NRIP1: variants seen among roughly 807,000 people sequenced by gnomAD.
NRIP1 encodes nuclear receptor interacting protein 1, also known as nuclear receptor-interacting protein 1.
NRIP1 carries 28 observed loss-of-function variants against 75.0 expected under a neutral mutation model. The observed-to-expected ratio is 0.37, with a 90% CI of 0.28 to 0.51. The LOEUF is 0.51. Ranked by LOEUF, NRIP1 falls within the 20% of genes least tolerant of loss-of-function variation. The pLI, the probability that NRIP1 is intolerant of heterozygous loss-of-function variation, is 0.92. For missense variants in NRIP1, 1,435 were observed against 1,343.7 expected (o/e 1.07, Z -1.06); for synonymous variants, 526 against 487.6 (o/e 1.08, Z -1.04).
At chr21:15,017,980 ATAAAC>A (rs1338571973) in intron 2 of NRIP1, among the ~76,000 whole-genome samples, 1 of 152,256 alleles carries the variant, frequency 6.6e-6, no homozygotes, top group Non-Finnish European at 1.5e-5. Flanking sequence ...ATAACACAAA[ATAAAC>A]TACTCTAACA....
At chr21:15,029,825 CAAAT>C (rs10549533) in intron 2 of NRIP1, among the ~76,000 whole-genome samples, 100,928 of 150,706 alleles carry the variant, frequency 0.67, 34,416 homozygotes, top group East Asian at 0.9. Flanking sequence ...TAAAGGAAAA[CAAAT>C]AAATAAATAA....
chr21:14,964,529 T>C lies in NRIP1; in HGVS notation c.*187A>G. ...ACCAATTGCTAGTTCAGTAGTTTCC[T>C]CATGACATCTAATGTTAAGCAAAAA... On this transcript the variant is annotated 3_prime_UTR_variant, in exon 4 of 4. Transcript: ENST00000318948. The C allele has an allele frequency of 2.1e-6, 1 of 483,648 alleles. No homozygotes were observed. The highest frequency in any genetic ancestry group is 3.6e-6 in the Non-Finnish European group (1 of 279,186). The allele number at this position is 483,648 out of a possible 1,614,324, so 30.0% of individuals were successfully genotyped here.
intron 3 of NRIP1, among the ~76,000 whole-genome samples, chr21:15,004,508 C>G (rs1452124108): frequency 6.6e-6 from 1 of 152,246 alleles, no homozygotes; most frequent in African/African-American, 2.4e-5. Context: ...AAAGCCAATG[C>G]ACTTGGACTT....
chr21:15,045,459 C>A (rs1440406211), intron 1 of NRIP1, among the ~76,000 whole-genome samples: 1 of 152,150 alleles, frequency 6.6e-6, no homozygotes, highest in African/African-American at 2.4e-5. Context: ...ATGTACATAC[C>A]TTAGTATAAA....
chr21:15,033,140 G>C lies in NRIP1; in HGVS notation c.-458+10355C>G, dbSNP rs190468892. ...CTCTGGAGGCTGAGGCAGGAGAATGGCGTGAACCTGGGAGGCAGAGCTTGC... is the reference window on the plus strand; with the variant it reads ...CTCTGGAGGCTGAGGCAGGAGAATGCCGTGAACCTGGGAGGCAGAGCTTGC... On this transcript the variant is annotated intron_variant, in intron 2 of 3. Transcript: ENST00000318948. Among the ~76,000 whole-genome samples, 991 of 151,438 alleles carry C rather than the reference G, an allele frequency of 6.5e-3. 6 individuals are homozygous for C. The highest frequency in any genetic ancestry group is 0.022 in the African/African-American group (925 of 41,170).
At chr21:15,059,017 G>A (rs982060790) in intron 1 of NRIP1, among the ~76,000 whole-genome samples, 1 of 152,178 alleles carries the variant, frequency 6.6e-6, no homozygotes, top group Non-Finnish European at 1.5e-5. Context: ...TTACAGGCCT[G>A]AAAACAAGGA....
intron 3 of NRIP1, among the ~76,000 whole-genome samples, chr21:14,972,025 A>C (rs1401939337): frequency 3.9e-5 from 6 of 152,198 alleles, no homozygotes. Context: ...AAATGAGATA[A>C]ATCTGTAAAT....
intron 1 of NRIP1, among the ~76,000 whole-genome samples, chr21:15,063,452 G>A (rs1978511179): frequency 6.6e-6 from 1 of 152,158 alleles, no homozygotes; most frequent in South Asian, 2.1e-4. Flanking sequence ...ATTAAACACT[G>A]AATAATGCCA....
At chr21:14,968,673 T>TA (rs2086826940) in intron 3 of NRIP1, 147 bp from the exon 4 acceptor site, 1 of 152,706 alleles carries the variant, frequency 6.5e-6, no homozygotes, top group African/African-American at 2.4e-5. Flanking sequence ...GTCACTTTAG[T>TA]AATTTGTTTT....
rs1256141576 is a variant in NRIP1 at position 14,963,341 on chromosome 21, T to A, written c.*1375A>T. ...TTTGGTAAGTGGCCCTGTTTTTCCA[T>A]CCCTAAGGCTAACTAAGTAGATGTT... On this transcript the variant is annotated 3_prime_UTR_variant, in exon 4 of 4. Coordinates refer to ENST00000318948, the MANE Select transcript of NRIP1 (RefSeq NM_003489.4). 1 of 152,466 alleles carries A rather than the reference T, an allele frequency of 6.6e-6. No homozygotes were observed. The highest frequency in any genetic ancestry group is 1.5e-5 in the Non-Finnish European group (1 of 67,960). The allele number at this position is 152,466 out of a possible 1,614,324, so 9.4% of individuals were successfully genotyped here.
At chr21:14,984,952 C>T (rs2087353504) in intron 3 of NRIP1, among the ~76,000 whole-genome samples, 1 of 152,124 alleles carries the variant, frequency 6.6e-6, no homozygotes, top group Non-Finnish European at 1.5e-5. Context: ...GCACACTTAA[C>T]AGACTACAGT....
In NRIP1 at chr21:14,965,210, T is replaced by A; in HGVS notation, c.2983A>T (p.Met995Leu). The A allele has an allele frequency of 6.2e-7, 1 of 1,613,938 alleles. No individual in the cohort carries two copies. The highest frequency in any genetic ancestry group is 8.5e-7 in the Non-Finnish European group (1 of 1,179,944). Residue 995 changes from methionine to leucine, a missense_variant, in exon 4 of 4, where the codon ATG becomes TTG. Coordinates refer to ENST00000318948, the MANE Select transcript of NRIP1 (RefSeq NM_003489.4). ...MYSSTQPSSC[M>L]DNRTFSYPGV... ...GGGTATGAAAATGTCCTGTTATCCA[T>A]GCAACTGCTGGGCTGAGTGGAACTG...
chr21:15,028,598 T>G (rs1355158721), intron 2 of NRIP1, among the ~76,000 whole-genome samples: 1 of 152,218 alleles, frequency 6.6e-6, no homozygotes, highest in African/African-American at 2.4e-5. Flanking sequence ...AATATGCAAT[T>G]TTTAACACTA....
At chr21:14,977,901 A>ATC (rs1214782362) in intron 3 of NRIP1, among the ~76,000 whole-genome samples, 5 of 152,158 alleles carry the variant, frequency 3.3e-5, no homozygotes, top group Non-Finnish European at 7.4e-5. Flanking sequence ...AGAACTGAGG[A>ATC]GTTTCTTGCT....
chr21:14,994,493 C>T (rs1257688512), intron 3 of NRIP1, among the ~76,000 whole-genome samples: 1 of 152,100 alleles, frequency 6.6e-6, no homozygotes, highest in Non-Finnish European at 1.5e-5. Flanking sequence ...GAAAATAAAA[C>T]TATTAGCTTA....
intron 1 of NRIP1, chr21:15,052,117 A>G (rs1303991048): frequency 6.6e-6 from 1 of 152,196 alleles, no homozygotes; most frequent in Non-Finnish European, 1.5e-5. Context: ...TACTCAATAC[A>G]TTTGAAAGTA....
chr21:14,968,339 C>A lies in NRIP1; in HGVS notation c.-147G>T. On this transcript the variant is annotated 5_prime_UTR_variant, in exon 4 of 4. Transcript: ENST00000318948. Reference sequence around the variant, plus strand: ...GAGAGACGTACTGTTACATTCTGTCCAAGATTTCTTCTGGCAATGACAAGA... The same window carrying A: ...GAGAGACGTACTGTTACATTCTGTCAAAGATTTCTTCTGGCAATGACAAGA... The A allele has an allele frequency of 1.6e-6, 1 of 631,604 alleles. No individual in the cohort carries two copies. Among genetic ancestry groups the A allele is most frequent in the Non-Finnish European group, 2.8e-6 (1 of 357,160 alleles). The allele number at this position is 631,604 out of a possible 1,614,324, so 39.1% of individuals were successfully genotyped here.
chr21:15,065,027 C>A, upstream of NRIP1: 1 of 154,160 alleles, frequency 6.5e-6, no homozygotes, highest in South Asian at 1.8e-4. Flanking sequence ...GCGCCTCGCT[C>A]ACCGCCCGCC....
At chr21:15,003,372 C>A (rs899616986) in intron 3 of NRIP1, among the ~76,000 whole-genome samples, 3 of 152,078 alleles carry the variant, frequency 2.0e-5, no homozygotes, top group Non-Finnish European at 4.4e-5. Flanking sequence ...TCTCATTTTG[C>A]ACTTTTTCTA....
Sources: gnomAD v4.1 joint callset for allele counts (sites outside exome capture counted in the v4.1 genomes callset) on GRCh38, gnomAD v4.1.1 for gene constraint, MANE v1.5 for transcripts, NCBI Gene and HGNC (gene_info 2026-07-23, HGNC 2026-07-21) for gene names.